FGF14: variants seen among roughly 807,000 people sequenced by gnomAD.
FGF14 encodes the protein fibroblast growth factor homologous factor 4.
Under a neutral mutation model 25.5 loss-of-function variants are expected in FGF14, and 5 were observed. The ratio of observed to expected loss-of-function variants is 0.20; its 90% CI spans 0.10 to 0.41. The LOEUF (loss-of-function observed/expected upper bound fraction) is 0.41, where lower values mean the gene tolerates loss of function less well. Ranked by LOEUF, FGF14 falls within the 10% of genes least tolerant of loss-of-function variation. FGF14 has a pLI of 1.00. For missense variants in FGF14, 222 were observed against 320.1 expected (o/e 0.69, Z 2.34); for synonymous variants, 138 against 118.3 (o/e 1.17, Z -1.08).
intron 1 of FGF14, among the ~76,000 whole-genome samples, chr13:101,934,093 G>A (rs2034943985): frequency 6.6e-6 from 1 of 152,154 alleles, no homozygotes; most frequent in African/African-American, 2.4e-5. Context: ...AAAATAATGG[G>A]AAGATAAGAA....
At chr13:102,095,251 G>A (rs74108978) in intron 1 of FGF14, among the ~76,000 whole-genome samples, 6,733 of 152,142 alleles carry the variant, frequency 0.044, 321 homozygotes, top group African/African-American at 0.11. Flanking sequence ...AATGGATCTT[G>A]GAAAAATTCA....
intron 3 of FGF14, among the ~76,000 whole-genome samples, chr13:101,857,482 T>A (rs1456142680): frequency 6.6e-6 from 1 of 151,954 alleles, no homozygotes; most frequent in African/African-American, 2.4e-5. Context: ...CCCTCAGAGA[T>A]CTAATATGTT....
At chr13:102,135,331 C>T (rs1325749840) in intron 1 of FGF14, among the ~76,000 whole-genome samples, 2 of 152,130 alleles carry the variant, frequency 1.3e-5, no homozygotes, top group Non-Finnish European at 2.9e-5. Flanking sequence ...CCATGTGCCC[C>T]AGCTAACATC....
chr13:102,226,027 A>T (rs552319518), intron 1 of FGF14, among the ~76,000 whole-genome samples: 13 of 152,306 alleles, frequency 8.5e-5, no homozygotes, highest in African/African-American at 3.1e-4. Context: ...TGACATCGAC[A>T]TTGACATTGA....
At chr13:102,343,925 A>C (rs2057028070) in intron 1 of FGF14, among the ~76,000 whole-genome samples, 1 of 152,184 alleles carries the variant, frequency 6.6e-6, no homozygotes, top group African/African-American at 2.4e-5. Flanking sequence ...TTTTGCAGGA[A>C]AACATTCTCA....
chr13:101,955,599 C>T (rs1374166133), intron 1 of FGF14, among the ~76,000 whole-genome samples: 2 of 152,190 alleles, frequency 1.3e-5, no homozygotes, highest in African/African-American at 2.4e-5. Context: ...ATTGGATGTG[C>T]GTGACACGCC....
chr13:102,112,390 C>T (rs2140327164), intron 1 of FGF14, among the ~76,000 whole-genome samples: 1 of 152,276 alleles, frequency 6.6e-6, no homozygotes, highest in African/African-American at 2.4e-5. Flanking sequence ...AGCTGTCCAA[C>T]CAGCTCAGTG....
At chr13:101,868,473 C>A (rs563109993) in intron 3 of FGF14, 5 of 419,694 alleles carry the variant, frequency 1.2e-5, no homozygotes. Context: ...ATTAGATTCA[C>A]GTGTATACTA....
intron 1 of FGF14, among the ~76,000 whole-genome samples, chr13:102,040,066 AGTT>A (rs1158816371): frequency 2.6e-5 from 4 of 152,242 alleles, no homozygotes; most frequent in African/African-American, 7.2e-5. Flanking sequence ...GTTACCTGTG[AGTT>A]GTTGTTTCAA....
chr13:102,372,868 T>C (rs2139118350), intron 1 of FGF14, among the ~76,000 whole-genome samples: 1 of 152,294 alleles, frequency 6.6e-6, no homozygotes, highest in Non-Finnish European at 1.5e-5. Context: ...TATGCATTAC[T>C]ACTATAAATC....
chr13:101,771,285 G>T (rs1004932136), intron 3 of FGF14, among the ~76,000 whole-genome samples: 1 of 151,964 alleles, frequency 6.6e-6, no homozygotes, highest in African/African-American at 2.4e-5. Flanking sequence ...GAAAGCTTTG[G>T]CAAATACATT....
intron 3 of FGF14, among the ~76,000 whole-genome samples, chr13:101,748,248 G>T (rs2037021753): frequency 6.6e-6 from 1 of 151,808 alleles, no homozygotes; most frequent in East Asian, 1.9e-4. Context: ...ATTGGATAAA[G>T]AAGATGTTAC....
intron 3 of FGF14, among the ~76,000 whole-genome samples, chr13:101,768,739 C>G (rs142575556): frequency 6.6e-6 from 1 of 152,122 alleles, no homozygotes; most frequent in East Asian, 1.9e-4. Context: ...TTTCAACTAA[C>G]GGTACTGGGA....
At chr13:101,936,040 C>G (rs771259471) in intron 1 of FGF14, among the ~76,000 whole-genome samples, 12 of 152,028 alleles carry the variant, frequency 7.9e-5, no homozygotes, top group Non-Finnish European at 1.5e-4. Context: ...CTTAAACATC[C>G]CATATAAACT....
chr13:101,955,350 G>A (rs2036450840), intron 1 of FGF14, among the ~76,000 whole-genome samples: 1 of 152,190 alleles, frequency 6.6e-6, no homozygotes, highest in South Asian at 2.1e-4. Context: ...CAACCAGCAG[G>A]CCTCCTGCCT....
chr13:102,023,524 A>G (rs1360956195), intron 1 of FGF14, among the ~76,000 whole-genome samples: 5 of 152,012 alleles, frequency 3.3e-5, no homozygotes, highest in Admixed American at 1.3e-4. Context: ...TGGTTGTACA[A>G]CATCACCACT....
At chr13:101,737,436 CA>C (rs59322021) in intron 3 of FGF14, among the ~76,000 whole-genome samples, 148,510 of 152,212 alleles carry the variant, frequency 0.98, 72,538 homozygotes, top group East Asian at 1. Flanking sequence ...ATTTGCTGTG[CA>C]AAAAAATGAA....
At chr13:101,787,596 T>C (rs1186164378) in intron 3 of FGF14, among the ~76,000 whole-genome samples, 3 of 152,188 alleles carry the variant, frequency 2.0e-5, no homozygotes, top group Non-Finnish European at 4.4e-5. Context: ...CCCTGTGCTT[T>C]CTGATGACTG....
intron 1 of FGF14, among the ~76,000 whole-genome samples, chr13:101,949,881 C>A (rs1284714141): frequency 6.6e-6 from 1 of 152,138 alleles, no homozygotes; most frequent in East Asian, 1.9e-4. Context: ...AATTCATTTC[C>A]CCTGCTTTCC....
Sources: allele counts gnomAD v4.1 joint callset (sites outside exome capture counted in the v4.1 genomes callset), GRCh38; gene constraint gnomAD v4.1.1; transcripts MANE v1.5; gene names NCBI Gene and HGNC (gene_info 2026-07-23, HGNC 2026-07-21).